Variants in HSPG2 observed in about 807,000 individuals in gnomAD.
HSPG2 encodes heparan sulfate proteoglycan 2.
Under a neutral mutation model 526.6 loss-of-function variants are expected in HSPG2, and 278 were observed. That is an observed-to-expected ratio of 0.53 (90% CI 0.48 to 0.58). HSPG2 has a LOEUF of 0.58. Among genes scored for constraint, HSPG2 ranks in the 20% least tolerant of loss-of-function variants. HSPG2 has a pLI of 0.00. For synonymous variants in HSPG2, 2,465 were observed against 2,555.4 expected (o/e 0.96, Z 1.07); for missense variants, 5,354 against 6,099.5 (o/e 0.88, Z 4.07).
At position 21,904,363 on chromosome 1, in the gene HSPG2, C is replaced by T. The variant is rs1643259057; in HGVS notation, c.64-8053G>A. On this transcript the variant is annotated intron_variant, in intron 1 of 96. Transcript: ENST00000374695. The surrounding 1 kb of genome is among the most constrained non-coding windows in gnomAD (Gnocchi z 4.4). ...ACGCTGAGGCCAGGGCTGGAGAGGG[C>T]ACGGCACGTTCGCGGGGTGGGAGGA... Among the ~76,000 whole-genome samples the T allele has an allele frequency of 6.6e-6, 1 of 152,160 alleles. No homozygotes were observed. The highest frequency in any genetic ancestry group is 1.9e-4 in the East Asian group (1 of 5,190).
chr1:21,874,143 T>C, intron 28 of HSPG2, 132 bp from the exon 29 acceptor site: 2 of 843,694 alleles, frequency 2.4e-6, no homozygotes, highest in Non-Finnish European at 3.8e-6. Context: ...TGCCACTGCA[T>C]GCCTGGCACT....
chr1:21,927,545 G>C (rs952720633), intron 1 of HSPG2, among the ~76,000 whole-genome samples: 2 of 151,776 alleles, frequency 1.3e-5, no homozygotes, highest in African/African-American at 4.8e-5. Context: ...CCCCCCCACT[G>C]TCACTACCCT....
In HSPG2 at chr1:21,859,933, G is replaced by A; in HGVS notation, c.5084C>T (p.Ser1695Phe). 6.2e-7 allele frequency: 1 copy of A among 1,610,536 alleles called. No homozygotes were observed. Among genetic ancestry groups the A allele is most frequent in the African/African-American group, 1.3e-5 (1 of 75,064 alleles). ...RSIVPQGGSH[S>F]LRCQVSGSPP... The stretch of plus-strand genomic sequence containing the variant: ...GCTCCCACTGACCTGACACCGCAGG[G>A]AGTGGGAGCCACCTTGGGGCACTAT... Residue 1695 changes from serine to phenylalanine, a missense_variant, in exon 41 of 97, where the codon TCC (serine) becomes TTC (phenylalanine). Transcript: ENST00000374695. This position sits in a 1 kb window ranked among gnomAD's most constrained non-coding sequence, Gnocchi z 5.3.
rs1197347968 is a variant in HSPG2, at chr1:21,890,375, T to G, written c.413+52A>C. ...TTCCTTCCCATCCTCATCAGCCCCC[T>G]CCAGGTTACCCGCTCAAGTCCCCCA... is the stretch of plus-strand genomic sequence containing the variant. On this transcript the variant is annotated intron_variant, in intron 5 of 96. Coordinates refer to ENST00000374695, the MANE Select transcript of HSPG2 (RefSeq NM_005529.7). This position sits in a 1 kb window ranked among gnomAD's most constrained non-coding sequence, Gnocchi z 4.1. 49 of 1,566,054 alleles carry G rather than the reference T, an allele frequency of 3.1e-5. No individual in the cohort carries two copies. The highest frequency in any genetic ancestry group is 4.3e-5 in the Non-Finnish European group (49 of 1,136,726).
At chr1:21,823,863 CGA>C in intron 95 of HSPG2, 144 bp from the exon 96 acceptor site, 1 of 772,286 alleles carries the variant, frequency 1.3e-6, no homozygotes. Flanking sequence ...CCCCGCTGAA[CGA>C]GAGATCGGGC....
chr1:21,879,093 T>C lies in HSPG2; in HGVS notation c.2372A>G (p.Gln791Arg). ...LNCQHNTEGP[Q>R]CNKCKAGFFG... is the part of the protein sequence containing the mutation. ...GAAGCCAGCCTTGCACTTGTTGCAC[T>C]GTGGCCCCTCCGTGTTGTGCTGGCA... The change falls in exon 18 of 97, where the codon CAG (glutamine) becomes CGG (arginine). Residue 791 changes from glutamine (Q) to arginine (R), a missense_variant. Coordinates refer to ENST00000374695, the MANE Select transcript of HSPG2 (RefSeq NM_005529.7). 2.5e-6 allele frequency: 4 copies of C among 1,614,240 alleles called. No homozygotes were observed. The highest frequency in any genetic ancestry group is 3.4e-6 in the Non-Finnish European group (4 of 1,180,030).
At chr1:21,914,567 G>T (rs939987870) in intron 1 of HSPG2, among the ~76,000 whole-genome samples, 48 of 152,290 alleles carry the variant, frequency 3.2e-4, no homozygotes, top group Admixed American at 2.6e-3. Context: ...CTCCCATGGG[G>T]AGGAGCAGAA....
Position 21,864,705 on chromosome 1 carries a change from C to A in HSPG2, c.4626+138G>T. ...ATAATGATATGTAACTCAGGGCTGT[C>A]GGGAGGAATACATGCAGGGCCCAGA... On this transcript the variant is annotated intron_variant, in intron 36 of 96. Coordinates refer to ENST00000374695, the MANE Select transcript of HSPG2 (RefSeq NM_005529.7). The surrounding 1 kb of genome is among the most constrained non-coding windows in gnomAD (Gnocchi z 4.8). The A allele has an allele frequency of 1.3e-6, 1 of 745,288 alleles. No individual in the cohort carries two copies. The highest frequency in any genetic ancestry group is 2.3e-6 in the Non-Finnish European group (1 of 432,642). The allele number at this position is 745,288 out of a possible 1,614,324, so 46.2% of individuals were successfully genotyped here.
rs1377237669 is a variant in HSPG2, at chr1:21,884,763, G to A, written c.1507+4C>T. Reference sequence around the variant, plus strand: ...ACCCGGTGACACCTGCCCTCCGGCAGTACCTCGTTGTGGGACGAGCTCAAG... The same window carrying A: ...ACCCGGTGACACCTGCCCTCCGGCAATACCTCGTTGTGGGACGAGCTCAAG... On this transcript the variant is annotated splice_donor_region_variant and intron_variant, in intron 12 of 96. Transcript: ENST00000374695. 1.2e-6 allele frequency: 2 copies of A among 1,613,348 alleles called. No individual in the cohort carries two copies. Among genetic ancestry groups the A allele is most frequent in the Non-Finnish European group, 1.7e-6 (2 of 1,179,942 alleles).
At chr1:21,885,832 G>A (rs1371223160) in intron 9 of HSPG2, among the ~76,000 whole-genome samples, 2 of 152,218 alleles carry the variant, frequency 1.3e-5, no homozygotes, top group Middle Eastern at 3.2e-3. Context: ...GCAATGCCCC[G>A]CCCACCCTTC....
chr1:21,908,074 G>A (rs1242995196), intron 1 of HSPG2: 8 of 757,666 alleles, frequency 1.1e-5, no homozygotes, highest in Middle Eastern at 4.8e-4. Flanking sequence ...GGCCGGAACC[G>A]CCATCTTCCA....
At chr1:21,841,328 T>G (rs1416316953) in intron 70 of HSPG2, 43 bp from the exon 71 acceptor site, 7 of 1,609,800 alleles carry the variant, frequency 4.3e-6, no homozygotes, top group Non-Finnish European at 5.9e-6. Flanking sequence ...GGCAGGGCTC[T>G]GCTGCTCACC....
Position 21,839,387 on chromosome 1 carries a change from G to C in HSPG2, c.9873C>G (p.Ile3291Met), listed in dbSNP as rs752153752. The C allele has an allele frequency of 2.5e-6, 4 of 1,613,196 alleles. No homozygotes were observed. The highest frequency in any genetic ancestry group is 3.4e-6 in the Non-Finnish European group (4 of 1,179,998). Residue 3291 changes from isoleucine (I) to methionine (M), a missense_variant, in exon 73 of 97, where the codon ATC becomes ATG. Coordinates refer to ENST00000374695, the MANE Select transcript of HSPG2 (RefSeq NM_005529.7). The surrounding 1 kb of genome is among the most constrained non-coding windows in gnomAD (Gnocchi z 4.5). The stretch of plus-strand genomic sequence containing the variant: ...AGGCCTTACTCTCCACGTGCAGGAT[G>C]ATGGTGGCCTCAGCGTGCCCAGCAG... ...TSPAGHAEAT[I>M]ILHVESPPYA...
At position 21,858,623 on chromosome 1, in the gene HSPG2, C is replaced by A. The variant is rs958933509; in HGVS notation, c.5293+943G>T. Among the ~76,000 whole-genome samples, 1 of 152,234 alleles carries A rather than the reference C, an allele frequency of 6.6e-6. No individual in the cohort carries two copies. The highest frequency in any genetic ancestry group is 1.9e-4 in the East Asian group (1 of 5,186). On this transcript the variant is annotated intron_variant, in intron 42 of 96. Coordinates refer to ENST00000374695, the MANE Select transcript of HSPG2 (RefSeq NM_005529.7). The surrounding 1 kb of genome is among the most constrained non-coding windows in gnomAD (Gnocchi z 4.2). Reference sequence around the variant, plus strand: ...ACACGTCCAAAACAAACTTGCGATTCTCTCTGACCTGTTTGTAGCCTGTGC... The same window carrying A: ...ACACGTCCAAAACAAACTTGCGATTATCTCTGACCTGTTTGTAGCCTGTGC...
At chr1:21,825,543 C>A (rs1480322020) in intron 91 of HSPG2, among the ~76,000 whole-genome samples, 3 of 152,156 alleles carry the variant, frequency 2.0e-5, no homozygotes, top group Admixed American at 6.5e-5. Context: ...TCCACACCCC[C>A]CCAGCCCTAT....
In HSPG2 at chr1:21,859,291, C is replaced by T. The variant is rs570709099; in HGVS notation, c.5293+275G>A. 4.6e-5 allele frequency among the ~76,000 whole-genome samples: 7 copies of T among 152,274 alleles called. No individual in the cohort carries two copies. The highest frequency in any genetic ancestry group is 3.4e-3 in the Middle Eastern group (1 of 294). On this transcript the variant is annotated intron_variant, in intron 42 of 96. Transcript: ENST00000374695. This position sits in a 1 kb window ranked among gnomAD's most constrained non-coding sequence, Gnocchi z 5.3. ...CTCGAACTCCTGACCTCATGATCTG[C>T]CCACCTTGGCCTCCCAAAGTGTTGG...
In HSPG2 at chr1:21,901,427, G is replaced by A. The variant is rs1034195888; in HGVS notation, c.64-5117C>T. On this transcript the variant is annotated intron_variant, in intron 1 of 96. Transcript: ENST00000374695. ...GAGGTGTGGGCTCAGGCCTGGGGTC[G>A]CCTCCAGATCTGGGATGAAGGGAGG... Among the ~76,000 whole-genome samples, 16 of 152,038 alleles carry A rather than the reference G, an allele frequency of 1.1e-4. No homozygotes were observed. The South Asian group carries it at 1.7e-3, about 16-fold the overall frequency.
In HSPG2 at chr1:21,839,727, TG is replaced by T; in HGVS notation, c.9709+94del. On this transcript the variant is annotated intron_variant, in intron 72 of 96. Coordinates refer to ENST00000374695, the MANE Select transcript of HSPG2 (RefSeq NM_005529.7). The surrounding 1 kb of genome is among the most constrained non-coding windows in gnomAD (Gnocchi z 4.5). ...ACGGTCTCCCCGTACTCCCCACCCCTGGGCATGACATCATCTCTAGATCACA... is the reference window on the plus strand; with the variant it reads ...ACGGTCTCCCCGTACTCCCCACCCCTGGCATGACATCATCTCTAGATCACA... 1 of 1,461,884 alleles carries T rather than the reference TG, an allele frequency of 6.8e-7. No homozygotes were observed. The highest frequency in any genetic ancestry group is 9.4e-7 in the Non-Finnish European group (1 of 1,062,322). The allele number at this position is 1,461,884 out of a possible 1,614,324, so 90.6% of individuals were successfully genotyped here.
rs755401204 is a variant in HSPG2, at chr1:21,841,608, C to T, written c.9259G>A (p.Gly3087Ser). Residue 3087 changes from glycine (G) to serine (S), a missense_variant, in exon 70 of 97, where the codon GGT becomes AGT. Physicochemically the swap from Gly to Ser is moderately conservative, Grantham distance 56. Coordinates refer to ENST00000374695, the MANE Select transcript of HSPG2 (RefSeq NM_005529.7). ...TIVGTRPSNH[G>S]TYRCVASNAY... ...TTGGAGGCCACGCAGCGGTAGGTAC[C>T]GTGGTTGCTGGGCCGGGTGCCCACG... 2.5e-6 allele frequency: 4 copies of T among 1,614,168 alleles called. No homozygotes were observed. Among genetic ancestry groups the T allele is most frequent in the African/African-American group, 1.3e-5 (1 of 75,052 alleles).
Sources: allele counts gnomAD v4.1 joint callset (sites outside exome capture counted in the v4.1 genomes callset), GRCh38; gene constraint gnomAD v4.1.1; non-coding constraint Gnocchi (gnomAD v3.1); transcripts MANE v1.5; gene names NCBI Gene and HGNC (gene_info 2026-07-23, HGNC 2026-07-21).